The following CNIH3 variants were observed in gnomAD, a reference collection of about 807,000 sequenced individuals.
CNIH3 encodes the protein protein cornichon homolog 3.
In CNIH3, 14 loss-of-function variants were observed where a neutral mutation model predicts 24.1. The observed-to-expected ratio is 0.58, with a 90% CI of 0.38 to 0.91. The LOEUF (loss-of-function observed/expected upper bound fraction) is 0.91, where lower values mean the gene tolerates loss of function less well. Ranked by LOEUF, CNIH3 falls within the 40% of genes least tolerant of loss-of-function variation. CNIH3 has a pLI of 0.00. For missense variants in CNIH3, 178 were observed against 196.8 expected, an observed-to-expected ratio of 0.90 and a Z score of 0.57; for synonymous variants, 68 against 73.8, an observed-to-expected ratio of 0.92 and a Z score of 0.40.
chr1:224,698,965 G>A (rs957943672), intron 3 of CNIH3, among the ~76,000 whole-genome samples: 1 of 121,482 alleles, frequency 8.2e-6, no homozygotes, highest in Non-Finnish European at 1.9e-5. Flanking sequence ...CTGCTGTGAT[G>A]TGGAGATGGG....
At chr1:224,645,049 G>A (rs12124222) in intron 1 of CNIH3, among the ~76,000 whole-genome samples, 6,152 of 152,320 alleles carry the variant, frequency 0.04, 211 homozygotes, top group East Asian at 0.15. Context: ...ACTGGGAGTG[G>A]CGAACAGTGT....
rs557447157 is a variant in CNIH3 at position 224,735,701 on chromosome 1, G to A, written c.455+995G>A. Among the ~76,000 whole-genome samples, 24 of 152,224 alleles carry A rather than the reference G, an allele frequency of 1.6e-4. No individual in the cohort carries two copies. In the East Asian group the frequency reaches 4.4e-3, roughly 28 times the overall value. Reference sequence around the variant, plus strand: ...AGATGGGGTCTCACTGTTTTGCCCAGGCTGGAGTGCAGTGGTGCCATCGCT... The same window carrying A: ...AGATGGGGTCTCACTGTTTTGCCCAAGCTGGAGTGCAGTGGTGCCATCGCT... On this transcript the variant is annotated intron_variant, in intron 5 of 5. Coordinates refer to ENST00000272133, the MANE Select transcript of CNIH3 (RefSeq NM_152495.2).
chr1:224,614,302 C>A (rs1282507554), upstream of CNIH3, among the ~76,000 whole-genome samples: 1 of 152,174 alleles, frequency 6.6e-6, no homozygotes, highest in Non-Finnish European at 1.5e-5. Context: ...TAGATCGGTT[C>A]ATTGCTCTGG....
chr1:224,521,581 A>C (rs1407033503), intron 2 of CNIH3: 1 of 152,146 alleles, frequency 6.6e-6, no homozygotes, highest in Non-Finnish European at 1.5e-5. Context: ...AACTCTTGGG[A>C]AAGACAAGTT....
In CNIH3 at chr1:224,735,344, A is replaced by G. The variant is rs1469990418; in HGVS notation, c.455+638A>G. ...GAACATCCTAACTAAGCAGATAGCT[A>G]TAAACAGACTGTCTTGTGGTTTGAC... On this transcript the variant is annotated intron_variant, in intron 5 of 5. Coordinates refer to ENST00000272133, the MANE Select transcript of CNIH3 (RefSeq NM_152495.2). Among the ~76,000 whole-genome samples, 3 of 152,220 alleles carry G rather than the reference A, an allele frequency of 2.0e-5. No individual in the cohort carries two copies. The East Asian group carries it at 5.8e-4, about 29-fold the overall frequency.
intron 3 of CNIH3, among the ~76,000 whole-genome samples, chr1:224,554,725 A>G (rs1249273690): frequency 6.6e-6 from 1 of 152,014 alleles, no homozygotes. Context: ...GTGGAACTAC[A>G]GTTGTATGCC....
At chr1:224,730,247 T>G in intron 3 of CNIH3, 3 of 508,998 alleles carry the variant, frequency 5.9e-6, no homozygotes, top group Non-Finnish European at 1.1e-5. Flanking sequence ...GCTTGTGTCA[T>G]TTGGGTTTGG....
chr1:224,708,001 A>G (rs1337712145), intron 3 of CNIH3, among the ~76,000 whole-genome samples: 13 of 152,074 alleles, frequency 8.5e-5, no homozygotes, highest in Non-Finnish European at 1.9e-4. Flanking sequence ...CCTGCCATGC[A>G]ACTATCCTCT....
At chr1:224,558,063 T>C (rs897934064) in intron 3 of CNIH3, among the ~76,000 whole-genome samples, 1 of 152,186 alleles carries the variant, frequency 6.6e-6, no homozygotes, top group African/African-American at 2.4e-5. Flanking sequence ...AATATGTGGG[T>C]AAACCATTTG....
At chr1:224,477,241 G>A (rs1011254967) in intron 1 of CNIH3, among the ~76,000 whole-genome samples, 6 of 152,194 alleles carry the variant, frequency 3.9e-5, no homozygotes, top group Non-Finnish European at 5.9e-5. Context: ...ATGTTCCTAT[G>A]GTAGTTCTTG....
At chr1:224,731,064 CAG>C (rs1416563239) in intron 4 of CNIH3, among the ~76,000 whole-genome samples, 1 of 152,114 alleles carries the variant, frequency 6.6e-6, no homozygotes, top group Admixed American at 6.5e-5. Context: ...AATCTATAGA[CAG>C]AAAGTAAATT....
Position 224,520,542 on chromosome 1 carries a change from C to T in CNIH3, n.16-458C>T, listed in dbSNP as rs760322431. Among the ~76,000 whole-genome samples, 22 of 152,196 alleles carry T rather than the reference C, an allele frequency of 1.4e-4. 1 individual carries two copies. The highest frequency in any genetic ancestry group is 4.6e-4 in the Admixed American group (7 of 15,288). ...AGTTAGATTGAACCACATGGAATTG[C>T]CTTTTTTGTAGATCAGAAAAAGCAT... On this transcript the variant is annotated intron_variant and non_coding_transcript_variant, in intron 1 of 2. Transcript: ENST00000470602.
chr1:224,558,760 A>C (rs1195655353), intron 3 of CNIH3, among the ~76,000 whole-genome samples: 3 of 152,224 alleles, frequency 2.0e-5, no homozygotes, highest in Non-Finnish European at 2.9e-5. Flanking sequence ...CTTTGTAAGC[A>C]GTCACAGGGG....
At position 224,739,400 on chromosome 1, in the gene CNIH3, C is replaced by T; in HGVS notation, c.*44C>T. 6.3e-7 allele frequency: 1 copy of T among 1,589,628 alleles called. No individual in the cohort carries two copies. The highest frequency in any genetic ancestry group is 2.3e-5 in the East Asian group (1 of 44,438). ...CATCAGAGACTGAGATGGGAGAGGC[C>T]TGAGACGGAGAGGTGCATTTCTGCT... On this transcript the variant is annotated 3_prime_UTR_variant, in exon 6 of 6. Coordinates refer to ENST00000272133, the MANE Select transcript of CNIH3 (RefSeq NM_152495.2).
At chr1:224,460,082 G>A (rs371798964) in intron 1 of CNIH3, among the ~76,000 whole-genome samples, 4 of 151,800 alleles carry the variant, frequency 2.6e-5, no homozygotes, top group South Asian at 2.1e-4. Context: ...TTGTCATATC[G>A]CCCAGGCTGC....
intron 1 of CNIH3, among the ~76,000 whole-genome samples, chr1:224,674,379 A>G (rs752818350): frequency 5.6e-5 from 8 of 143,208 alleles, no homozygotes; most frequent in Non-Finnish European, 1.2e-4. Context: ...TAATCTCCTA[A>G]CTATAAATTC....
chr1:224,592,495 T>A (rs1015551382), downstream of CNIH3, among the ~76,000 whole-genome samples: 2 of 152,192 alleles, frequency 1.3e-5, no homozygotes, highest in African/African-American at 2.4e-5. Context: ...TAGCCTCAGA[T>A]TTTCAGCAGA....
intron 3 of CNIH3, among the ~76,000 whole-genome samples, chr1:224,603,767 T>C (rs1229397171): frequency 6.6e-6 from 1 of 152,172 alleles, no homozygotes; most frequent in Admixed American, 6.5e-5. Flanking sequence ...GTGTAAAGGA[T>C]GTCTGAGGTG....
chr1:224,674,788 G>T lies in CNIH3; in HGVS notation c.82-6170G>T, dbSNP rs74315761. Among the ~76,000 whole-genome samples the T allele has an allele frequency of 2.8e-3, 421 of 149,592 alleles. 9 individuals carry two copies. The East Asian group carries it at 0.03, about 11-fold the overall frequency. On this transcript the variant is annotated intron_variant, in intron 1 of 5. Coordinates refer to ENST00000272133, the MANE Select transcript of CNIH3 (RefSeq NM_152495.2). ...TCTGGACTTCTCGGTGGCTTCCTCT[G>T]GCTCTGTCTCTCCTGAAGCCTCCAT...
Sources: gnomAD v4.1 joint callset for allele counts (sites outside exome capture counted in the v4.1 genomes callset) on GRCh38, gnomAD v4.1.1 for gene constraint, MANE v1.5 for transcripts, NCBI Gene and HGNC (gene_info 2026-07-23, HGNC 2026-07-21) for gene names.